FBXW8: variants seen among roughly 807,000 people sequenced by gnomAD.
FBXW8 encodes F-box/WD repeat-containing protein 8.
In FBXW8, 57 loss-of-function variants were observed where a neutral mutation model predicts 65.3. The ratio of observed to expected loss-of-function variants is 0.87; its 90% CI spans 0.71 to 1.09. The LOEUF (loss-of-function observed/expected upper bound fraction) is 1.09. Ranked by LOEUF, FBXW8 falls within the 50% of genes least tolerant of loss-of-function variation. The pLI is 0.00. For missense variants in FBXW8, 777 were observed against 814.8 expected (o/e 0.95, Z 0.57); for synonymous variants, 308 against 330.2 (o/e 0.93, Z 0.73).
chr12:116,986,762 C>G (rs1346745341), intron 6 of FBXW8: 1 of 152,284 alleles, frequency 6.6e-6, no homozygotes, highest in East Asian at 1.9e-4. Context: ...AGGTGGCATC[C>G]TGGCACAGAC....
rs547092788 is a variant in FBXW8 at position 116,953,509 on chromosome 12, C to T, written c.677+3803C>T. Among the ~76,000 whole-genome samples, 27 of 152,282 alleles carry T rather than the reference C, an allele frequency of 1.8e-4. 1 individual carries two copies. In the South Asian group the frequency reaches 3.7e-3, roughly 21 times the overall value. On this transcript the variant is annotated intron_variant, in intron 4 of 10. Transcript: ENST00000652555. ...GCAGCCGGCTGGGCGCGGTGGCTCA[C>T]GCCTGTAATCCCAGCACTTTGGGAG...
At chr12:116,952,205 G>T (rs1305304811) in intron 4 of FBXW8, among the ~76,000 whole-genome samples, 1 of 152,130 alleles carries the variant, frequency 6.6e-6, no homozygotes, top group Admixed American at 6.5e-5. Context: ...TATGACATTG[G>T]CCATTCATGT....
Position 116,911,295 on chromosome 12 carries a change from T to TCC in FBXW8, c.259_260insCC (p.Leu87ProfsTer21), listed in dbSNP as rs1394796625. 2 of 1,282,580 alleles carry TCC rather than the reference T, an allele frequency of 1.6e-6. No homozygotes were observed. The highest frequency in any genetic ancestry group is 8.2e-5 in the Admixed American group (2 of 24,244). 79.4% of individuals were successfully genotyped at this position (1,282,580 alleles called of 1,614,324 possible). On this transcript the variant is annotated frameshift_variant, in exon 1 of 11. Transcript: ENST00000652555. LOFTEE classifies it high-confidence loss of function. ...ACGTAGCGAGCCGCTCACGTTCTCC[T>TCC]CTGGCCCGCGAGGGCGCCGGGGGCG... is the stretch of plus-strand genomic sequence containing the variant.
chr12:116,968,391 A>G (rs2137398618), intron 5 of FBXW8, among the ~76,000 whole-genome samples: 1 of 152,292 alleles, frequency 6.6e-6, no homozygotes, highest in African/African-American at 2.4e-5. Flanking sequence ...ATAGCATACT[A>G]TTTACTTTAC....
chr12:116,951,217 G>A (rs112279709), intron 4 of FBXW8: 2 of 152,332 alleles, frequency 1.3e-5, no homozygotes, highest in East Asian at 1.9e-4. Context: ...GAGGCTCCTG[G>A]TGGCTCCTCT....
chr12:116,919,155 CTG>C (rs1880681902), intron 1 of FBXW8, among the ~76,000 whole-genome samples: 1 of 152,190 alleles, frequency 6.6e-6, no homozygotes, highest in African/African-American at 2.4e-5. Context: ...GGGGGGACGA[CTG>C]TGTTTTCTGT....
intron 2 of FBXW8, among the ~76,000 whole-genome samples, chr12:116,931,183 G>A (rs1171736278): frequency 1.3e-5 from 2 of 152,150 alleles, no homozygotes; most frequent in Admixed American, 6.5e-5. Flanking sequence ...TTGAAAATCA[G>A]TTGACTGTAA....
chr12:116,998,721 TC>T (rs56267132), intron 7 of FBXW8, among the ~76,000 whole-genome samples: 102,390 of 152,070 alleles, frequency 0.67, 39,011 homozygotes, highest in Non-Finnish European at 0.84. Flanking sequence ...TTGCCTTTGT[TC>T]CAGAGGTGAA....
At chr12:116,950,511 A>C (rs1235620057) in intron 4 of FBXW8, 1 of 152,238 alleles carries the variant, frequency 6.6e-6, no homozygotes, top group African/African-American at 2.4e-5. Flanking sequence ...TCAGTAGTAG[A>C]GGAGTCCTTT....
chr12:116,939,960 A>G (rs945658257), intron 2 of FBXW8, among the ~76,000 whole-genome samples: 1 of 152,244 alleles, frequency 6.6e-6, no homozygotes, highest in Non-Finnish European at 1.5e-5. Context: ...TGGACCAGAC[A>G]TGCCAAAAAT....
intron 1 of FBXW8, among the ~76,000 whole-genome samples, chr12:116,915,118 T>G (rs1880300093): frequency 6.6e-6 from 1 of 152,194 alleles, no homozygotes; most frequent in Admixed American, 6.5e-5. Context: ...GGCTGATAAA[T>G]GATGACAAGG....
intron 9 of FBXW8, among the ~76,000 whole-genome samples, chr12:117,024,821 A>G (rs1954187973): frequency 1.3e-5 from 2 of 152,060 alleles, no homozygotes; most frequent in South Asian, 2.1e-4. Context: ...GACTTTCCTC[A>G]TGCTGTTTAC....
At chr12:117,018,884 A>C (rs1224600746) in intron 8 of FBXW8, among the ~76,000 whole-genome samples, 1 of 152,224 alleles carries the variant, frequency 6.6e-6, no homozygotes, top group Admixed American at 6.5e-5. Flanking sequence ...TGGAGTATAA[A>C]TATTCAACAG....
At chr12:117,001,288 G>T (rs1378128698) in intron 7 of FBXW8, among the ~76,000 whole-genome samples, 1 of 152,126 alleles carries the variant, frequency 6.6e-6, no homozygotes, top group East Asian at 1.9e-4. Flanking sequence ...CTGATTATTC[G>T]CTGCGGCTTC....
intron 1 of FBXW8, among the ~76,000 whole-genome samples, chr12:116,914,993 A>G (rs189351790): frequency 6.6e-6 from 1 of 152,386 alleles, no homozygotes. Flanking sequence ...GTTTAGAGAC[A>G]TTATCGTCTT....
intron 4 of FBXW8, among the ~76,000 whole-genome samples, chr12:116,957,427 A>G (rs995563567): frequency 6.6e-6 from 1 of 152,188 alleles, no homozygotes; most frequent in South Asian, 2.1e-4. Context: ...GTGAATACGT[A>G]TATATTTGCC....
intron 8 of FBXW8, among the ~76,000 whole-genome samples, chr12:117,013,298 A>G (rs1022788401): frequency 6.6e-6 from 1 of 152,200 alleles, no homozygotes; most frequent in Non-Finnish European, 1.5e-5. Flanking sequence ...AGCAAGAGAA[A>G]GATTGGGGTG....
At chr12:116,922,306 T>A (rs926590487) in intron 1 of FBXW8, among the ~76,000 whole-genome samples, 61 of 152,308 alleles carry the variant, frequency 4.0e-4, no homozygotes, top group African/African-American at 1.4e-3. Flanking sequence ...TTTCTTCTGA[T>A]TGAGATTGTG....
chr12:116,988,908 T>C (rs1394647296), intron 7 of FBXW8, 39 bp downstream of exon 7: 2 of 1,547,476 alleles, frequency 1.3e-6, no homozygotes, highest in East Asian at 2.3e-5. Context: ...CAAAAAAGAA[T>C]ATAGATTTAT....
Sources: gnomAD v4.1 joint callset for allele counts (sites outside exome capture counted in the v4.1 genomes callset) on GRCh38, gnomAD v4.1.1 for gene constraint, MANE v1.5 for transcripts, NCBI Gene and HGNC (gene_info 2026-07-23, HGNC 2026-07-21) for gene names.